Variants in CFAP97D2 observed in about 807,000 individuals in gnomAD.
CFAP97D2 encodes the protein uncharacterized protein CFAP97D2.
chr13:114,212,021 G>A, exon 4 of CFAP97D2: 1 of 398,740 alleles, frequency 2.5e-6, no homozygotes, highest in Non-Finnish European at 4.4e-6. Context: ...CAAAGGTGGT[G>A]TGAAGACTGG....
chr13:114,187,134 A>G lies in CFAP97D2; in HGVS notation c.90+7714A>G, dbSNP rs1290415483. Among the ~76,000 whole-genome samples the G allele has an allele frequency of 6.6e-6, 1 of 152,248 alleles. No individual in the cohort carries two copies. Among genetic ancestry groups the G allele is most frequent in the Non-Finnish European group, 1.5e-5 (1 of 68,048 alleles). ...AAGTGGACTTGAGTTATTTGTAAGT[A>G]CATATTGCAAATCCTAGGGCAGCCA... is the stretch of plus-strand genomic sequence containing the variant. On this transcript the variant is annotated intron_variant, in intron 1 of 4. Transcript: ENST00000646158. This position sits in a 1 kb window ranked among gnomAD's most constrained non-coding sequence, Gnocchi z 4.2.
At chr13:114,182,449 G>A (rs1416207593) in intron 1 of CFAP97D2, among the ~76,000 whole-genome samples, 1 of 151,802 alleles carries the variant, frequency 6.6e-6, no homozygotes, top group African/African-American at 2.4e-5. Flanking sequence ...ACTGCAAGAG[G>A]CCTTCCTCTT....
intron 4 of CFAP97D2, among the ~76,000 whole-genome samples, chr13:114,220,348 T>TA (rs2081015820): frequency 6.6e-6 from 1 of 152,164 alleles, no homozygotes; most frequent in South Asian, 2.1e-4. Flanking sequence ...TTCCCTGCTC[T>TA]CCAGAGCCCA....
intron 1 of CFAP97D2, among the ~76,000 whole-genome samples, chr13:114,181,924 T>C (rs748611967): frequency 6.6e-6 from 1 of 152,052 alleles, no homozygotes; most frequent in Non-Finnish European, 1.5e-5. Context: ...AGGGGTGGCC[T>C]GCCCCTCCAC....
chr13:114,190,390 T>C (rs532814115), intron 1 of CFAP97D2, among the ~76,000 whole-genome samples: 100 of 134,924 alleles, frequency 7.4e-4, no homozygotes, highest in Admixed American at 3.9e-3. Flanking sequence ...TGATCATCTA[T>C]GTAGAAAATA....
chr13:114,208,800 G>C (rs2080953197), intron 3 of CFAP97D2, among the ~76,000 whole-genome samples: 1 of 152,130 alleles, frequency 6.6e-6, no homozygotes, highest in Non-Finnish European at 1.5e-5. Context: ...GGCTCTGGCT[G>C]GGACGACTTT....
Position 114,182,211 on chromosome 13 carries a change from A to T in CFAP97D2, c.90+2791A>T, listed in dbSNP as rs9562082. 4.2e-4 allele frequency among the ~76,000 whole-genome samples: 62 copies of T among 145,910 alleles called. 1 individual carries two copies. Among genetic ancestry groups the T allele is most frequent in the African/African-American group, 1.3e-3 (51 of 38,264 alleles). ...TCTATGTCGTAATTAAGTTCAAGGG[A>T]AGGTACTATGCCTGGATGTGCACGT... On this transcript the variant is annotated intron_variant, in intron 1 of 4. Coordinates refer to ENST00000646158, the Ensembl canonical transcript of CFAP97D2.
chr13:114,218,445 T>C (rs1809976946), intron 4 of CFAP97D2, among the ~76,000 whole-genome samples: 1 of 152,204 alleles, frequency 6.6e-6, no homozygotes, highest in Admixed American at 6.5e-5. Flanking sequence ...AAAATGGCCA[T>C]ACTGCCCAAG....
chr13:114,217,612 T>A (rs1036775125), intron 4 of CFAP97D2, among the ~76,000 whole-genome samples: 1 of 152,192 alleles, frequency 6.6e-6, no homozygotes, highest in Non-Finnish European at 1.5e-5. Context: ...TGAACATCAA[T>A]GCAAAAATCC....
intron 4 of CFAP97D2, among the ~76,000 whole-genome samples, chr13:114,215,223 C>T (rs2080988318): frequency 6.6e-6 from 1 of 152,112 alleles, no homozygotes; most frequent in African/African-American, 2.4e-5. Context: ...AACTTTGGAC[C>T]ATCTGATTTC....
chr13:114,194,418 C>T (rs928174163), intron 1 of CFAP97D2, among the ~76,000 whole-genome samples: 1 of 152,128 alleles, frequency 6.6e-6, no homozygotes, highest in African/African-American at 2.4e-5. Flanking sequence ...TTTCTCATAG[C>T]AAATTGCAGG....
At chr13:114,192,069 T>C (rs1045402441) in intron 1 of CFAP97D2, among the ~76,000 whole-genome samples, 1 of 5,662 alleles carries the variant, frequency 1.8e-4, no homozygotes. Flanking sequence ...GGTGGGTGGG[T>C]GGGTGGGGGG....
intron 3 of CFAP97D2, among the ~76,000 whole-genome samples, chr13:114,210,174 C>A (rs983047024): frequency 3.9e-5 from 6 of 151,990 alleles, no homozygotes; most frequent in African/African-American, 9.7e-5. Flanking sequence ...TAAAATTGTA[C>A]CTTATATGTG....
At position 114,198,878 on chromosome 13, in the gene CFAP97D2, C is replaced by T. The variant is rs1442193851; in HGVS notation, c.172-1447C>T. 3.5e-5 allele frequency among the ~76,000 whole-genome samples: 2 copies of T among 56,896 alleles called. 1 individual carries two copies. The highest frequency in any genetic ancestry group is 5.7e-5 in the Non-Finnish European group (2 of 35,346). 37.3% of individuals were successfully genotyped at this position (56,896 alleles called of 152,430 possible). On this transcript the variant is annotated intron_variant, in intron 2 of 4. Coordinates refer to ENST00000646158, the Ensembl canonical transcript of CFAP97D2. ...CGGTCCCCGCTGAGGGGTGACGGCGCGTCCCCGTGTGTACGGTCCCCACCG... is the reference window on the plus strand; with the variant it reads ...CGGTCCCCGCTGAGGGGTGACGGCGTGTCCCCGTGTGTACGGTCCCCACCG...
chr13:114,184,571 AG>A (rs1343555113), intron 1 of CFAP97D2, among the ~76,000 whole-genome samples: 1 of 152,258 alleles, frequency 6.6e-6, no homozygotes, highest in Admixed American at 6.5e-5. Flanking sequence ...GAAAAAGTGT[AG>A]GGAGACATGT....
intron 2 of CFAP97D2, among the ~76,000 whole-genome samples, chr13:114,198,461 CTCTA>C (rs1247579097): frequency 3.9e-5 from 6 of 152,236 alleles, no homozygotes; most frequent in African/African-American, 1.4e-4. Context: ...AATAAAATAT[CTCTA>C]TCTTTCTTAA....
At chr13:114,196,372 T>A (rs982783016) in intron 1 of CFAP97D2, 24 bp from the exon 2 acceptor site, 3 of 399,670 alleles carry the variant, frequency 7.5e-6, no homozygotes, top group Non-Finnish European at 4.4e-6. Flanking sequence ...TGCGCCCAGG[T>A]AACGCTGCCT....
intron 1 of CFAP97D2, among the ~76,000 whole-genome samples, chr13:114,192,865 A>G (rs2138758022): frequency 6.6e-6 from 1 of 152,284 alleles, no homozygotes; most frequent in Admixed American, 6.5e-5. Context: ...AAATTATACA[A>G]TTGGTTCCAT....
chr13:114,192,075 G>A (rs544309830), intron 1 of CFAP97D2, among the ~76,000 whole-genome samples: 3 of 150,650 alleles, frequency 2.0e-5, no homozygotes, highest in African/African-American at 7.3e-5. Context: ...TGGGTGGGTG[G>A]GGGGAGGAAG....
Sources: allele counts gnomAD v4.1 joint callset (sites outside exome capture counted in the v4.1 genomes callset), GRCh38; gene constraint gnomAD v4.1.1; non-coding constraint Gnocchi (gnomAD v3.1); transcripts MANE v1.5; gene names NCBI Gene and HGNC (gene_info 2026-07-23, HGNC 2026-07-21).